Variants in GRIP1 observed in about 807,000 individuals in gnomAD.
GRIP1 encodes glutamate receptor-interacting protein 1.
In GRIP1, 45 loss-of-function variants were observed where a neutral mutation model predicts 129.9. The ratio of observed to expected loss-of-function variants is 0.35; its 90% CI spans 0.27 to 0.44. The LOEUF (loss-of-function observed/expected upper bound fraction) is 0.44. Among genes scored for constraint, GRIP1 ranks in the 20% least tolerant of loss-of-function variants. The probability of loss-of-function intolerance (pLI) is 1.00; values close to 1 mark genes in which losing one functional copy is unlikely to be tolerated. For synonymous variants in GRIP1, 530 were observed against 520.8 expected, an observed-to-expected ratio of 1.02 and a Z score of -0.24; for missense variants, 1,196 against 1,396.8, an observed-to-expected ratio of 0.86 and a Z score of 2.29.
chr12:66,542,047 GA>G, intron 2 of GRIP1, 97 bp from the exon 3 acceptor site: 1 of 1,132,084 alleles, frequency 8.8e-7, no homozygotes, highest in Non-Finnish European at 1.3e-6. Flanking sequence ...TCTTTTATGA[GA>G]AAAGATATTT....
At chr12:66,529,566 C>G (rs898131356) in intron 5 of GRIP1, among the ~76,000 whole-genome samples, 2 of 151,944 alleles carry the variant, frequency 1.3e-5, no homozygotes, top group African/African-American at 4.8e-5. Context: ...TGTTCTCACT[C>G]GTAAGTAGGA....
chr12:66,675,236 C>CAAAA (rs2034271844), intron 1 of GRIP1, among the ~76,000 whole-genome samples: 1 of 152,098 alleles, frequency 6.6e-6, no homozygotes, highest in Non-Finnish European at 1.5e-5. Flanking sequence ...GTGCCCAGAG[C>CAAAA]CGTGCTCCCT....
chr12:67,012,371 G>T (rs2042722327), intron 1 of GRIP1, among the ~76,000 whole-genome samples: 1 of 152,082 alleles, frequency 6.6e-6, no homozygotes, highest in Admixed American at 6.6e-5. Flanking sequence ...GAGACAGTGG[G>T]ATCCCTGGGT....
intron 2 of GRIP1, among the ~76,000 whole-genome samples, chr12:66,561,555 A>G (rs558222636): frequency 1.2e-3 from 186 of 152,278 alleles, no homozygotes; most frequent in African/African-American, 4.3e-3. Context: ...ATTATTTAGA[A>G]AAACAAAGGG....
At chr12:67,010,954 G>A (rs1476202957) in intron 1 of GRIP1, among the ~76,000 whole-genome samples, 1 of 152,088 alleles carries the variant, frequency 6.6e-6, no homozygotes, top group Non-Finnish European at 1.5e-5. Context: ...CTGAGGCCTA[G>A]TACCTTCCTC....
At chr12:66,806,339 T>C (rs1238882577), upstream of GRIP1, among the ~76,000 whole-genome samples, 1 of 152,200 alleles carries the variant, frequency 6.6e-6, no homozygotes, top group East Asian at 1.9e-4. Flanking sequence ...CATTCTTTTC[T>C]ATGTAAATTT....
chr12:66,488,129 C>T (rs1246143186), intron 7 of GRIP1, among the ~76,000 whole-genome samples: 1 of 152,118 alleles, frequency 6.6e-6, no homozygotes, highest in African/African-American at 2.4e-5. Context: ...TCAAGTGGAC[C>T]TGATAGATAT....
At chr12:67,016,387 A>T (rs2042787586) in intron 1 of GRIP1, among the ~76,000 whole-genome samples, 1 of 152,182 alleles carries the variant, frequency 6.6e-6, no homozygotes, top group East Asian at 1.9e-4. Flanking sequence ...CTTTATTTAT[A>T]AGAATAAATA....
intron 1 of GRIP1, among the ~76,000 whole-genome samples, chr12:66,700,993 C>G (rs1259650998): frequency 6.6e-6 from 1 of 152,106 alleles, no homozygotes; most frequent in Non-Finnish European, 1.5e-5. Flanking sequence ...ACAGGCTAAC[C>G]TCATTAATAA....
At chr12:66,766,266 C>G (rs983660372) in intron 1 of GRIP1, among the ~76,000 whole-genome samples, 2 of 152,154 alleles carry the variant, frequency 1.3e-5, no homozygotes, top group Non-Finnish European at 2.9e-5. Flanking sequence ...TCTGGGGAGT[C>G]AGAAGTCCTT....
intron 1 of GRIP1, among the ~76,000 whole-genome samples, chr12:66,960,420 T>C (rs2041905924): frequency 6.6e-6 from 1 of 152,156 alleles, no homozygotes; most frequent in South Asian, 2.1e-4. Context: ...AGGTGCCTTA[T>C]TAAGACATAG....
At chr12:66,934,613 T>G (rs982660361) in intron 1 of GRIP1, among the ~76,000 whole-genome samples, 1 of 152,222 alleles carries the variant, frequency 6.6e-6, no homozygotes, top group African/African-American at 2.4e-5. Flanking sequence ...AATAAATTTT[T>G]AACAGTAAAA....
intron 19 of GRIP1, among the ~76,000 whole-genome samples, chr12:66,382,713 A>G (rs1348265590): frequency 6.6e-6 from 1 of 152,248 alleles, no homozygotes; most frequent in African/African-American, 2.4e-5. Context: ...TCTCTTAAGT[A>G]TCAGATACTA....
At chr12:66,374,796 G>T (rs1414048179) in intron 22 of GRIP1, among the ~76,000 whole-genome samples, 1 of 152,150 alleles carries the variant, frequency 6.6e-6, no homozygotes, top group Non-Finnish European at 1.5e-5. Flanking sequence ...GCATTTTCAG[G>T]TAAGTATGTG....
rs529244044 is a variant in GRIP1, at chr12:66,977,780, T to C, written c.58+91270A>G. Among the ~76,000 whole-genome samples the C allele has an allele frequency of 3.5e-4, 53 of 151,570 alleles. No individual in the cohort carries two copies. In the South Asian group the frequency reaches 6.9e-3, roughly 20 times the overall value. On this transcript the variant is annotated intron_variant, in intron 1 of 1. Coordinates refer to the GRIP1 transcript ENST00000643019. ...GTCACTAAAGAATGTCTTCTTTTTA[T>C]TACTATAGTCAGTTCTAGAGCTGAG...
chr12:66,911,310 A>T (rs1466587072), intron 1 of GRIP1, among the ~76,000 whole-genome samples: 5 of 152,174 alleles, frequency 3.3e-5, no homozygotes, highest in African/African-American at 7.2e-5. Context: ...TTAGAAAAAA[A>T]TTTTTAAAGG....
At chr12:66,870,364 GA>G (rs1014456569) in intron 1 of GRIP1, among the ~76,000 whole-genome samples, 10 of 129,714 alleles carry the variant, frequency 7.7e-5, no homozygotes, top group Admixed American at 2.5e-4. Context: ...AATCAGGGTT[GA>G]AAAAAATAGG....
At chr12:66,554,390 T>C (rs2062247174) in intron 2 of GRIP1, among the ~76,000 whole-genome samples, 1 of 152,184 alleles carries the variant, frequency 6.6e-6, no homozygotes, top group Admixed American at 6.5e-5. Context: ...TCAGCAGTGG[T>C]AGCCAGGTGT....
Position 66,507,210 on chromosome 12 carries a change from G to A in GRIP1, c.724+8409C>T, listed in dbSNP as rs867745715. The stretch of plus-strand genomic sequence containing the variant: ...TCCCAGCACTTTGGGAGGCCGAGGC[G>A]GGTGGATCACGAGGTCAGGAGATGG... On this transcript the variant is annotated intron_variant, in intron 7 of 24. Transcript: ENST00000359742. Among the ~76,000 whole-genome samples the A allele has an allele frequency of 1.1e-3, 168 of 152,232 alleles. 1 individual carries two copies. In the Middle Eastern group the frequency reaches 0.024, roughly 22 times the overall value.
Sources: allele counts gnomAD v4.1 joint callset (sites outside exome capture counted in the v4.1 genomes callset), GRCh38; gene constraint gnomAD v4.1.1; transcripts MANE v1.5; gene names NCBI Gene and HGNC (gene_info 2026-07-23, HGNC 2026-07-21).